Variants in DNAJC21 observed in about 807,000 individuals in gnomAD.
DNAJC21 encodes the protein DnaJ heat shock protein family (Hsp40) member C21.
DNAJC21 carries 63 observed loss-of-function variants against 72.4 expected under a neutral mutation model. The observed-to-expected ratio is 0.87, with a 90% CI of 0.71 to 1.07. The LOEUF (loss-of-function observed/expected upper bound fraction) is 1.07. Among genes scored for constraint, DNAJC21 ranks in the 50% least tolerant of loss-of-function variants. The pLI is 0.00. For missense variants in DNAJC21, 634 were observed against 644.8 expected (o/e 0.98, Z 0.18); for synonymous variants, 203 against 216.7 (o/e 0.94, Z 0.56).
Position 34,937,583 on chromosome 5 carries a change from G to A in DNAJC21, c.696G>A (p.Ala232=), listed in dbSNP as rs200025661. The change falls in exon 5 of 12, where the codon GCG becomes GCA. Residue 232 remains alanine (A), a synonymous_variant. Coordinates refer to ENST00000648817, the MANE Select transcript of DNAJC21 (RefSeq NM_001012339.3). ...KLVEEQNAEK[A]RKAEEMRRQQ... ...TGGAAGAACAGAATGCAGAGAAGGC[G>A]AGGAAAGCCGAAGAGATGAGGCGGC... 2.5e-6 allele frequency: 4 copies of A among 1,613,838 alleles called. No individual in the cohort carries two copies. The highest frequency in any genetic ancestry group is 3.4e-6 in the Non-Finnish European group (4 of 1,179,806).
rs1765600606 is a variant in DNAJC21, at chr5:34,958,639, C to CA, written c.*3928dup. The CA allele has an allele frequency of 6.6e-6, 1 of 152,124 alleles. No individual in the cohort carries two copies. Among genetic ancestry groups the CA allele is most frequent in the Admixed American group, 6.5e-5 (1 of 15,274 alleles). The allele number at this position is 152,124 out of a possible 1,614,324, so 9.4% of individuals were successfully genotyped here. A position where few individuals can be genotyped will look rare whatever the true frequency, so the allele number is the denominator to read the frequency against. ...AAATGTTTGCAATGCATGGAACTGT[C>CA]AAAGGATTCGTATCTGGAATACATT... On this transcript the variant is annotated 3_prime_UTR_variant, in exon 12 of 12. Coordinates refer to ENST00000648817, the MANE Select transcript of DNAJC21 (RefSeq NM_001012339.3).
chr5:34,953,226 A>G (rs556872939), intron 10 of DNAJC21, among the ~76,000 whole-genome samples: 1 of 151,756 alleles, frequency 6.6e-6, no homozygotes, highest in African/African-American at 2.4e-5. Flanking sequence ...AGTTTTGAAG[A>G]TGGTTTGCTC....
chr5:34,952,746 T>C (rs1177672573), intron 10 of DNAJC21: 1 of 152,164 alleles, frequency 6.6e-6, no homozygotes, highest in African/African-American at 2.4e-5. Context: ...TAAAAGTAAC[T>C]TCCTTATATT....
Position 34,958,963 on chromosome 5 carries a change from C to G in DNAJC21, c.*4249C>G, listed in dbSNP as rs1765609370. 1 of 152,166 alleles carries G rather than the reference C, an allele frequency of 6.6e-6. No individual in the cohort carries two copies. Among genetic ancestry groups the G allele is most frequent in the Admixed American group, 6.5e-5 (1 of 15,270 alleles). 9.4% of individuals were successfully genotyped at this position (152,166 alleles called of 1,614,324 possible). The stretch of plus-strand genomic sequence containing the variant: ...GCTTAATAAAAGATAGCTGGCCTCT[C>G]ATACCTGCTTCTGCAGTCTATTGCT... On this transcript the variant is annotated 3_prime_UTR_variant, in exon 12 of 12. Transcript: ENST00000648817.
At chr5:34,930,063 G>C in intron 1 of DNAJC21, 147 bp downstream of exon 1, 1 of 517,556 alleles carries the variant, frequency 1.9e-6, no homozygotes, top group Non-Finnish European at 3.2e-6. Context: ...AGTGCCCGGA[G>C]CCGCCCTGCC....
chr5:34,944,147 G>A (rs562617963), intron 7 of DNAJC21, among the ~76,000 whole-genome samples: 1 of 152,202 alleles, frequency 6.6e-6, no homozygotes, highest in African/African-American at 2.4e-5. Context: ...CTGTTTTGTT[G>A]AATGCTTTTT....
Position 34,936,618 on chromosome 5 carries a change from CTTGTTTT to C in DNAJC21, c.438+353_438+359del, listed in dbSNP as rs1245026142. Among the ~76,000 whole-genome samples, 4 of 152,204 alleles carry C rather than the reference CTTGTTTT, an allele frequency of 2.6e-5. No homozygotes were observed. In the East Asian group the frequency reaches 7.7e-4, roughly 29 times the overall value. On this transcript the variant is annotated intron_variant, in intron 4 of 11. Coordinates refer to ENST00000648817, the MANE Select transcript of DNAJC21 (RefSeq NM_001012339.3). ...GCCACAGCTCCCAGCTTCTCATTTC[CTTGTTTT>C]AAAACAATTGGTTCTAGTTCTCGAA...
At chr5:34,949,630 G>GGA (rs1480688048) in intron 9 of DNAJC21, 1 of 1,609,450 alleles carries the variant, frequency 6.2e-7, no homozygotes, top group Admixed American at 1.7e-5. Flanking sequence ...GAGAAGAGAT[G>GGA]GAGAGAGCGA....
chr5:34,948,758 A>G (rs931174872), intron 9 of DNAJC21, among the ~76,000 whole-genome samples: 3 of 152,080 alleles, frequency 2.0e-5, no homozygotes, highest in Non-Finnish European at 4.4e-5. Flanking sequence ...CCAGCTACTC[A>G]GGAGCCTGAG....
chr5:34,954,069 A>G, intron 11 of DNAJC21, 68 bp downstream of exon 11: 1 of 1,420,740 alleles, frequency 7.0e-7, no homozygotes, highest in East Asian at 2.4e-5. Context: ...TGATCTAAAG[A>G]TGGAAATGTG....
chr5:34,936,569 A>T (rs1302459098), intron 4 of DNAJC21, among the ~76,000 whole-genome samples: 2 of 152,128 alleles, frequency 1.3e-5, no homozygotes, highest in Non-Finnish European at 2.9e-5. Flanking sequence ...TTGGCCTCCC[A>T]AAAGATTGGG....
At chr5:34,950,743 C>T in intron 10 of DNAJC21, 4 of 990,564 alleles carry the variant, frequency 4.0e-6, no homozygotes, top group Non-Finnish European at 4.8e-6. Flanking sequence ...TTGGGCCCCA[C>T]CATGTTGTGA....
intron 2 of DNAJC21, among the ~76,000 whole-genome samples, chr5:34,934,396 T>A (rs1262812889): frequency 1.4e-5 from 2 of 143,346 alleles, no homozygotes; most frequent in African/African-American, 5.1e-5. Context: ...ACACCTGTAT[T>A]TTTTTTTTTT....
chr5:34,936,985 A>G (rs1341391306), intron 4 of DNAJC21, among the ~76,000 whole-genome samples: 1 of 152,156 alleles, frequency 6.6e-6, no homozygotes, highest in African/African-American at 2.4e-5. Context: ...TCCTGACCTC[A>G]GGTGATCCAC....
chr5:34,949,719 T>A (rs751123234), intron 9 of DNAJC21: 3 of 1,610,400 alleles, frequency 1.9e-6, no homozygotes, highest in Non-Finnish European at 2.5e-6. Flanking sequence ...TCTTTTATAA[T>A]GCCTGTTTGT....
rs1193377170 is a variant in DNAJC21, at chr5:34,938,885, C to A, written c.771C>A (p.Ser257Arg). 6.2e-7 allele frequency: 1 copy of A among 1,614,050 alleles called. No individual in the cohort carries two copies. The highest frequency in any genetic ancestry group is 8.5e-7 in the Non-Finnish European group (1 of 1,179,988). ...AKLVEQYREQ[S>R]WMTMANLEKE... is the part of the protein sequence containing the mutation. Reference sequence around the variant, plus strand: ...TGGTGGAGCAGTACAGAGAACAGAGCTGGATGACTATGGCCAATTTGGAGA... The same window carrying A: ...TGGTGGAGCAGTACAGAGAACAGAGATGGATGACTATGGCCAATTTGGAGA... Residue 257 changes from serine to arginine, a missense_variant, in exon 6 of 12, where the codon AGC becomes AGA. By Grantham distance (110) the Ser-to-Arg change is moderately radical (BLOSUM62 -1). Coordinates refer to ENST00000648817, the MANE Select transcript of DNAJC21 (RefSeq NM_001012339.3).
At chr5:34,950,476 T>C in intron 10 of DNAJC21, 134 bp downstream of exon 10, 1 of 1,418,934 alleles carries the variant, frequency 7.0e-7, no homozygotes. Context: ...TATTTATGTA[T>C]AGATACACAC....
In DNAJC21 at chr5:34,953,959, T is replaced by G. The variant is rs772830522; in HGVS notation, c.1392T>G (p.Asp464Glu). ...VPKPKGKKTK[D>E]MKKPVRVPAE... Reference sequence around the variant, plus strand: ...AACCCAAAGGAAAGAAAACCAAAGATATGAAAAAACCTGTCAGAGTACCTG... The same window carrying G: ...AACCCAAAGGAAAGAAAACCAAAGAGATGAAAAAACCTGTCAGAGTACCTG... Residue 464 changes from aspartate (D) to glutamate (E), a missense_variant, in exon 11 of 12, where the codon GAT becomes GAG. Asp to Glu is a conservative substitution (Grantham distance 45, BLOSUM62 2). Transcript: ENST00000648817. 4 of 1,611,804 alleles carry G rather than the reference T, an allele frequency of 2.5e-6. No individual in the cohort carries two copies. In the East Asian group the frequency reaches 8.9e-5, roughly 36 times the overall value.
At chr5:34,952,412 C>T (rs1237761638) in intron 10 of DNAJC21, 5 of 258,002 alleles carry the variant, frequency 1.9e-5, no homozygotes, top group African/African-American at 2.3e-5. Flanking sequence ...ATGCATAGGC[C>T]GTTTAACTTA....
Sources: gnomAD v4.1 joint callset for allele counts (sites outside exome capture counted in the v4.1 genomes callset) on GRCh38, gnomAD v4.1.1 for gene constraint, MANE v1.5 for transcripts, NCBI Gene and HGNC (gene_info 2026-07-23, HGNC 2026-07-21) for gene names.